SIPA1L3: variants seen among roughly 807,000 people sequenced by gnomAD.
The protein encoded by SIPA1L3 is signal induced proliferation associated 1 like 3.
SIPA1L3 carries 59 observed loss-of-function variants against 150.1 expected under a neutral mutation model. That is an observed-to-expected ratio of 0.39 (90% CI 0.32 to 0.49). The LOEUF is 0.49. Among genes scored for constraint, SIPA1L3 ranks in the 20% least tolerant of loss-of-function variants. The probability of loss-of-function intolerance (pLI) is 0.86; values close to 1 mark genes in which losing one functional copy is unlikely to be tolerated. For missense variants in SIPA1L3, 2,211 were observed against 2,489.5 expected, an observed-to-expected ratio of 0.89 and a Z score of 2.38; for synonymous variants, 1,070 against 1,077.6, an observed-to-expected ratio of 0.99 and a Z score of 0.14.
chr19:37,952,272 C>T, intron 1 of SIPA1L3, among the ~76,000 whole-genome samples: 1 of 152,152 alleles, frequency 6.6e-6, no homozygotes, highest in Admixed American at 6.5e-5. Flanking sequence ...AAAACATTGG[C>T]CCTTTTTCCC....
intron 4 of SIPA1L3, among the ~76,000 whole-genome samples, chr19:38,090,410 T>C (rs957481968): frequency 2.0e-5 from 3 of 151,460 alleles, no homozygotes; most frequent in Non-Finnish European, 4.4e-5. Flanking sequence ...GCCCAAGTCC[T>C]GAGCCAGTCG....
chr19:38,058,125 T>C (rs2145774487), intron 2 of SIPA1L3, among the ~76,000 whole-genome samples: 1 of 152,190 alleles, frequency 6.6e-6, no homozygotes, highest in East Asian at 1.9e-4. Flanking sequence ...CCTGAGGGCC[T>C]GGTGTCCCCT....
chr19:37,947,085 T>C (rs2046718474), intron 1 of SIPA1L3, among the ~76,000 whole-genome samples: 1 of 152,124 alleles, frequency 6.6e-6, no homozygotes, highest in African/African-American at 2.4e-5. Flanking sequence ...TCTCAGCTAC[T>C]GGCAAGACTG....
intron 12 of SIPA1L3, among the ~76,000 whole-genome samples, chr19:38,147,864 C>A (rs183448831): frequency 8.6e-4 from 131 of 152,140 alleles, no homozygotes; most frequent in Non-Finnish European, 1.5e-3. Context: ...GGTCACTCTG[C>A]CAGGACGTAA....
intron 15 of SIPA1L3, among the ~76,000 whole-genome samples, chr19:38,179,165 T>C (rs1408964916): frequency 1.3e-5 from 2 of 152,238 alleles, no homozygotes; most frequent in Non-Finnish European, 2.9e-5. Flanking sequence ...TCAGGCCGGA[T>C]GTGGTGGCTT....
In SIPA1L3 at chr19:38,164,868, A is replaced by G; in HGVS notation, c.4170A>G (p.Gly1390=). The G allele has an allele frequency of 6.4e-7, 1 of 1,574,010 alleles. No homozygotes were observed. Among genetic ancestry groups the G allele is most frequent in the South Asian group, 1.2e-5 (1 of 86,198 alleles). ...CCTCCGGCTCCAGCACCCCCACGGG[A>G]CTGGCGGGGGGCAGCCGAGACCCAC... ...LYSSGSSTPT[G]LAGGSRDPPR... The change falls in exon 15 of 22, where the codon GGA becomes GGG. Residue 1390 remains glycine, a synonymous_variant. Coordinates refer to ENST00000222345, the MANE Select transcript of SIPA1L3 (RefSeq NM_015073.3). The surrounding 1 kb of genome is among the most constrained non-coding windows in gnomAD (Gnocchi z 4.1).
chr19:38,127,222 C>T (rs1404293276), intron 9 of SIPA1L3, among the ~76,000 whole-genome samples: 2 of 152,164 alleles, frequency 1.3e-5, no homozygotes, highest in African/African-American at 2.4e-5. Context: ...TCTTCATTAC[C>T]ATCTACAATA....
intron 2 of SIPA1L3, among the ~76,000 whole-genome samples, chr19:38,074,740 G>A (rs2085930891): frequency 6.6e-6 from 1 of 152,196 alleles, no homozygotes. Context: ...CCCTCATTGT[G>A]TGTGTGTATG....
At chr19:38,033,283 T>C (rs998965413) in intron 2 of SIPA1L3, among the ~76,000 whole-genome samples, 7 of 152,242 alleles carry the variant, frequency 4.6e-5, no homozygotes, top group Admixed American at 3.9e-4. Context: ...ACTGTGACTA[T>C]GTTTTGTTTT....
chr19:38,196,136 A>G (rs991771187), intron 18 of SIPA1L3, among the ~76,000 whole-genome samples: 4 of 152,244 alleles, frequency 2.6e-5, no homozygotes, highest in Admixed American at 2.0e-4. Flanking sequence ...CCCATCCCAG[A>G]TGAAGAGACA....
intron 1 of SIPA1L3, among the ~76,000 whole-genome samples, chr19:38,006,996 G>C (rs1405420454): frequency 6.6e-6 from 1 of 152,210 alleles, no homozygotes; most frequent in Non-Finnish European, 1.5e-5. Flanking sequence ...CCTGATAAGA[G>C]GGGCCTTCCG....
intron 3 of SIPA1L3, 60 bp downstream of exon 3, chr19:38,083,159 C>T: frequency 6.8e-7 from 1 of 1,460,182 alleles, no homozygotes; most frequent in Non-Finnish European, 9.4e-7. Context: ...CCGAGACCCC[C>T]ACTACTCATT....
intron 1 of SIPA1L3, among the ~76,000 whole-genome samples, chr19:37,980,591 G>A (rs1243367325): frequency 6.6e-6 from 1 of 152,178 alleles, no homozygotes; most frequent in East Asian, 1.9e-4. Context: ...CAGAGCAGGG[G>A]GAAGGCCTGG....
At chr19:37,945,195 C>A (rs1289379352) in intron 1 of SIPA1L3, among the ~76,000 whole-genome samples, 2 of 151,124 alleles carry the variant, frequency 1.3e-5, no homozygotes. Flanking sequence ...ATGGTAAAGT[C>A]AAAAAATTGC....
chr19:37,951,993 G>A (rs1224859057), intron 1 of SIPA1L3, among the ~76,000 whole-genome samples: 1 of 151,890 alleles, frequency 6.6e-6, no homozygotes, highest in Non-Finnish European at 1.5e-5. Flanking sequence ...GGCAGTTCAG[G>A]TCATTCCTTA....
rs564413853 is a variant in SIPA1L3 at position 38,202,652 on chromosome 19, T to C, written c.5120+655T>C. On this transcript the variant is annotated intron_variant, in intron 20 of 21. Transcript: ENST00000222345. ...TCTCCCAATCCCCCAGCCCTGTGCCTCTCGTCAGCCCCGTCGCTGCCAATC... is the reference window on the plus strand; with the variant it reads ...TCTCCCAATCCCCCAGCCCTGTGCCCCTCGTCAGCCCCGTCGCTGCCAATC... Among the ~76,000 whole-genome samples, 3 of 152,250 alleles carry C rather than the reference T, an allele frequency of 2.0e-5. No homozygotes were observed. In the South Asian group the frequency reaches 6.2e-4, roughly 32 times the overall value.
chr19:38,031,273 C>T (rs762336357), intron 2 of SIPA1L3, among the ~76,000 whole-genome samples: 4 of 152,198 alleles, frequency 2.6e-5, no homozygotes, highest in Non-Finnish European at 5.9e-5. Context: ...TTCACACAAC[C>T]CAGTACGATT....
At chr19:37,984,209 C>T (rs1010835907) in intron 1 of SIPA1L3, among the ~76,000 whole-genome samples, 1 of 152,110 alleles carries the variant, frequency 6.6e-6, no homozygotes, top group Non-Finnish European at 1.5e-5. Flanking sequence ...AATGTGTGAC[C>T]TTGGGCAAGT....
rs61729130 is a variant in SIPA1L3 at position 38,130,532 on chromosome 19, C to T, written c.2903C>T (p.Thr968Met). 4.9e-4 allele frequency: 793 copies of T among 1,613,026 alleles called. 4 individuals are homozygous for T. In the African/African-American group the frequency reaches 5.3e-3, roughly 11 times the overall value. The change falls in exon 10 of 22, where the codon ACG (threonine) becomes ATG (methionine). Residue 968 changes from threonine (T) to methionine (M), a missense_variant. Thr to Met is a moderately conservative substitution (Grantham distance 81). Around this residue, in one of 5 missense-constraint regions of SIPA1L3, gnomAD observed 625 missense variants for 804.2 expected, o/e 0.78. Transcript: ENST00000222345. Reference sequence around the variant, plus strand: ...AGTGGCTGGGAGACGGTGGACATGACGCTTCGGCGGAACGGGCTCGGGCAG... The same window carrying T: ...AGTGGCTGGGAGACGGTGGACATGATGCTTCGGCGGAACGGGCTCGGGCAG... ...MTSGWETVDM[T>M]LRRNGLGQLG...
Sources: allele counts gnomAD v4.1 joint callset (sites outside exome capture counted in the v4.1 genomes callset), GRCh38; gene constraint gnomAD v4.1.1; regional missense constraint gnomAD v4.1.1; non-coding constraint Gnocchi (gnomAD v3.1); transcripts MANE v1.5; gene names NCBI Gene and HGNC (gene_info 2026-07-23, HGNC 2026-07-21).